The following SAMMSON variants were observed in gnomAD, a reference collection of about 807,000 sequenced individuals.
SAMMSON encodes the protein survival associated mitochondrial melanoma specific oncogenic non-coding RNA.
chr3:70,420,660 C>T (rs1418021097), intron 2 of SAMMSON, among the ~76,000 whole-genome samples: 11 of 152,116 alleles, frequency 7.2e-5, no homozygotes, highest in African/African-American at 2.7e-4. Context: ...ATTATTCCTG[C>T]TTGCATTTAG....
intron 7 of SAMMSON, among the ~76,000 whole-genome samples, chr3:70,345,100 T>C (rs2106731229): frequency 6.6e-6 from 1 of 152,308 alleles, no homozygotes; most frequent in South Asian, 2.1e-4. Context: ...AAATTAAATA[T>C]GAGTTTATAC....
chr3:70,003,987 T>C (rs2066916127), intron 1 of SAMMSON, among the ~76,000 whole-genome samples: 1 of 152,088 alleles, frequency 6.6e-6, no homozygotes, highest in Non-Finnish European at 1.5e-5. Flanking sequence ...TCTTGGGTAC[T>C]TAATTTTTTA....
chr3:70,072,017 C>T (rs1304861422), intron 4 of SAMMSON: 1 of 151,806 alleles, frequency 6.6e-6, no homozygotes, highest in Non-Finnish European at 1.5e-5. Flanking sequence ...AAGGGTGACT[C>T]GTGTCAAAAA....
At chr3:70,261,937 A>G (rs1202896841) in intron 6 of SAMMSON, among the ~76,000 whole-genome samples, 1 of 152,150 alleles carries the variant, frequency 6.6e-6, no homozygotes, top group Non-Finnish European at 1.5e-5. Context: ...GCCAAGTTTA[A>G]AGCCCTTGAA....
intron 2 of SAMMSON, among the ~76,000 whole-genome samples, chr3:70,401,023 G>A (rs1404082247): frequency 6.6e-6 from 1 of 152,150 alleles, no homozygotes. Context: ...TCATTTTATA[G>A]TACAGTTTAA....
intron 3 of SAMMSON, among the ~76,000 whole-genome samples, chr3:70,026,974 A>T (rs1053829891): frequency 9.2e-5 from 14 of 152,214 alleles, no homozygotes; most frequent in African/African-American, 3.4e-4. Context: ...CCCAGTGCTT[A>T]AAATGAGAAA....
At chr3:70,185,807 C>CAA (rs34529551) in intron 4 of SAMMSON, among the ~76,000 whole-genome samples, 1,639 of 102,844 alleles carry the variant, frequency 0.016, 43 homozygotes, top group East Asian at 0.047. Flanking sequence ...CCCGCCTCTA[C>CAA]AAAAAAAAAA....
intron 3 of SAMMSON, among the ~76,000 whole-genome samples, chr3:70,031,922 A>T (rs554213647): frequency 6.6e-6 from 1 of 152,200 alleles, no homozygotes; most frequent in African/African-American, 2.4e-5. Flanking sequence ...ACCTAAAATT[A>T]TCAAAAAGCA....
At chr3:70,308,885 C>T (rs1702429550) in intron 7 of SAMMSON, among the ~76,000 whole-genome samples, 1 of 152,070 alleles carries the variant, frequency 6.6e-6, no homozygotes. Flanking sequence ...TCAGTGACTC[C>T]AGTGAAGTGC....
chr3:70,226,299 C>T (rs1320779777), intron 4 of SAMMSON, among the ~76,000 whole-genome samples: 1 of 152,152 alleles, frequency 6.6e-6, no homozygotes, highest in Non-Finnish European at 1.5e-5. Context: ...GTGAGAGGCA[C>T]TCAGGTCATT....
At chr3:70,325,286 G>T (rs1191633138) in intron 7 of SAMMSON, among the ~76,000 whole-genome samples, 1 of 152,102 alleles carries the variant, frequency 6.6e-6, no homozygotes, top group East Asian at 1.9e-4. Context: ...GAACTGACCT[G>T]CCCCAAGTGA....
intron 4 of SAMMSON, among the ~76,000 whole-genome samples, chr3:70,232,208 C>T (rs142210420): frequency 2.6e-5 from 4 of 152,146 alleles, no homozygotes; most frequent in African/African-American, 7.2e-5. Flanking sequence ...TGAGGGTGTG[C>T]ACCATGTGAA....
At chr3:70,131,792 C>T (rs756699902) in intron 4 of SAMMSON, among the ~76,000 whole-genome samples, 3 of 151,918 alleles carry the variant, frequency 2.0e-5, no homozygotes, top group Non-Finnish European at 4.4e-5. Context: ...CTAAATTGCT[C>T]GTCTAGAACT....
chr3:70,180,488 A>T (rs1701044201), intron 4 of SAMMSON, among the ~76,000 whole-genome samples: 1 of 152,184 alleles, frequency 6.6e-6, no homozygotes, highest in Non-Finnish European at 1.5e-5. Flanking sequence ...ACACATATGT[A>T]TGTATGCTTA....
chr3:70,044,999 A>AGGTAAAATACT (rs1478044683), intron 3 of SAMMSON, among the ~76,000 whole-genome samples: 40 of 128,894 alleles, frequency 3.1e-4, no homozygotes, highest in African/African-American at 1.2e-3. Flanking sequence ...TAATTATATA[A>AGGTAAAATACT]TTAATTATAT....
At chr3:70,219,599 A>G (rs1468288245) in intron 4 of SAMMSON, among the ~76,000 whole-genome samples, 1 of 152,192 alleles carries the variant, frequency 6.6e-6, no homozygotes, top group African/African-American at 2.4e-5. Flanking sequence ...ATTGGGATGA[A>G]AAACCAACAG....
intron 4 of SAMMSON, among the ~76,000 whole-genome samples, chr3:70,194,736 G>A (rs1433037240): frequency 6.6e-6 from 1 of 152,080 alleles, no homozygotes; most frequent in Non-Finnish European, 1.5e-5. Context: ...ATAATTTGAG[G>A]GTATGTAGAG....
chr3:70,016,195 T>A (rs2107579000), intron 3 of SAMMSON, among the ~76,000 whole-genome samples: 2 of 152,296 alleles, frequency 1.3e-5, no homozygotes, highest in Middle Eastern at 6.8e-3. Flanking sequence ...GTAAAAGTGT[T>A]CCTATTTCTC....
At chr3:70,429,397 C>T (rs1559587880) in intron 2 of SAMMSON, among the ~76,000 whole-genome samples, 1 of 152,108 alleles carries the variant, frequency 6.6e-6, no homozygotes, top group African/African-American at 2.4e-5. Flanking sequence ...AGTCAGGTAG[C>T]ATGATGCCTC....
Sources: gnomAD v4.1 joint callset for allele counts (sites outside exome capture counted in the v4.1 genomes callset) on GRCh38, gnomAD v4.1.1 for gene constraint, MANE v1.5 for transcripts, NCBI Gene and HGNC (gene_info 2026-07-23, HGNC 2026-07-21) for gene names.